The following DTNB variants were observed in gnomAD, a reference collection of about 807,000 sequenced individuals.
DTNB encodes dystrobrevin beta, also known as DTN-B.
In DTNB, 63 loss-of-function variants were observed where a neutral mutation model predicts 90.7. That is an observed-to-expected ratio of 0.69 (90% confidence interval 0.57 to 0.86). DTNB has a LOEUF of 0.86. Among genes scored for constraint, DTNB ranks in the 40% least tolerant of loss-of-function variants. The pLI is 0.00. For synonymous variants in DTNB, 277 were observed against 286.7 expected (o/e 0.97, Z 0.34); for missense variants, 744 against 807.1 (o/e 0.92, Z 0.95).
At chr2:25,595,892 C>G (rs570641305) in intron 6 of DTNB, among the ~76,000 whole-genome samples, 194 bp downstream of exon 6, 2 of 139,794 alleles carry the variant, frequency 1.4e-5, no homozygotes, top group East Asian at 4.2e-4. Flanking sequence ...CCCCCACCCC[C>G]AGTTCCCCCG....
chr2:25,406,472 T>A (rs1573948236), intron 16 of DTNB, among the ~76,000 whole-genome samples: 1 of 150,618 alleles, frequency 6.6e-6, no homozygotes, highest in Admixed American at 6.6e-5. Context: ...GAGGCGGAGG[T>A]TGCGGTGAGC....
intron 16 of DTNB, among the ~76,000 whole-genome samples, chr2:25,401,387 G>A (rs991503790): frequency 1.3e-5 from 2 of 152,232 alleles, no homozygotes; most frequent in African/African-American, 4.8e-5. Flanking sequence ...AAATGCCAGA[G>A]AAGGTGCCCT....
intron 16 of DTNB, 58 bp from the exon 17 acceptor site, chr2:25,388,419 GAAGA>G (rs1453221210): frequency 3.0e-5 from 46 of 1,533,546 alleles, no homozygotes; most frequent in Admixed American, 2.0e-4. Context: ...TTTGAGGAAG[GAAGA>G]AAGTACTTTT....
chr2:25,506,241 T>C (rs1035506402), intron 9 of DTNB, among the ~76,000 whole-genome samples: 7 of 151,748 alleles, frequency 4.6e-5, no homozygotes, highest in African/African-American at 1.7e-4. Context: ...AGCAGGGGGG[T>C]GACTATAGTT....
At chr2:25,585,756 C>T (rs2062281123) in intron 6 of DTNB, among the ~76,000 whole-genome samples, 1 of 152,180 alleles carries the variant, frequency 6.6e-6, no homozygotes. Flanking sequence ...GAAAGGGACA[C>T]TTCTAAAGTT....
intron 7 of DTNB, 34 bp from the exon 8 acceptor site, chr2:25,577,038 G>A: frequency 6.4e-7 from 1 of 1,558,700 alleles, no homozygotes; most frequent in African/African-American, 1.4e-5. Context: ...GAGAAAAAAG[G>A]GCAGGAGGGA....
chr2:25,496,982 G>A (rs377514578), intron 9 of DTNB, among the ~76,000 whole-genome samples: 111 of 152,202 alleles, frequency 7.3e-4, no homozygotes, highest in African/African-American at 2.4e-3. Context: ...ATATAAAGGC[G>A]AAGAATAACT....
intron 8 of DTNB, among the ~76,000 whole-genome samples, chr2:25,551,948 C>A (rs1453925144): frequency 2.0e-5 from 3 of 152,232 alleles, no homozygotes; most frequent in Non-Finnish European, 4.4e-5. Context: ...GCTATAAACC[C>A]TGTTAATCAG....
chr2:25,468,000 T>G (rs968734569), intron 10 of DTNB, among the ~76,000 whole-genome samples: 1 of 152,094 alleles, frequency 6.6e-6, no homozygotes, highest in Non-Finnish European at 1.5e-5. Context: ...GCTGCCCTTG[T>G]GTGTACCATG....
chr2:25,437,296 G>A, intron 12 of DTNB, among the ~76,000 whole-genome samples: 1 of 150,162 alleles, frequency 6.7e-6, no homozygotes, highest in East Asian at 2.0e-4. Flanking sequence ...GAATCTTGCT[G>A]TGTCGCCCAA....
At chr2:25,480,844 G>C (rs185822397) in intron 10 of DTNB, among the ~76,000 whole-genome samples, 193 of 152,302 alleles carry the variant, frequency 1.3e-3, no homozygotes, top group Admixed American at 2.2e-3. Context: ...AATGCTATGG[G>C]TGTTAAACAT....
chr2:25,433,867 T>C (rs751775175), intron 13 of DTNB, 43 bp downstream of exon 13: 1 of 1,603,576 alleles, frequency 6.2e-7, no homozygotes, highest in African/African-American at 1.3e-5. Flanking sequence ...ACGCACGTGA[T>C]AATCCTGGAC....
chr2:25,590,151 C>A (rs979746126), intron 6 of DTNB, among the ~76,000 whole-genome samples: 8 of 152,278 alleles, frequency 5.3e-5, no homozygotes, highest in African/African-American at 1.9e-4. Context: ...GAGGGTATTA[C>A]AGCCCCGGCC....
intron 8 of DTNB, among the ~76,000 whole-genome samples, chr2:25,535,854 G>A (rs1192589866): frequency 6.7e-6 from 1 of 149,166 alleles, no homozygotes; most frequent in Non-Finnish European, 1.5e-5. Context: ...CGGCCGGGCA[G>A]AGGCGCTCCT....
intron 6 of DTNB, among the ~76,000 whole-genome samples, chr2:25,586,217 T>C (rs560706901): frequency 6.6e-6 from 1 of 152,200 alleles, no homozygotes; most frequent in African/African-American, 2.4e-5. Flanking sequence ...AAATGCTTCA[T>C]TAAGCACGGG....
chr2:25,499,705 G>A (rs538511739), intron 9 of DTNB, among the ~76,000 whole-genome samples: 1 of 151,998 alleles, frequency 6.6e-6, no homozygotes, highest in South Asian at 2.1e-4. Flanking sequence ...TTATTTGTTG[G>A]TTGGTTTCAC....
intron 16 of DTNB, among the ~76,000 whole-genome samples, chr2:25,403,470 TGA>T (rs2044281822): frequency 6.6e-6 from 1 of 152,136 alleles, no homozygotes; most frequent in Non-Finnish European, 1.5e-5. Context: ...TGCAAAATGA[TGA>T]GAGACCTCAC....
At chr2:25,425,837 A>C (rs921433552) in intron 15 of DTNB, among the ~76,000 whole-genome samples, 4 of 152,214 alleles carry the variant, frequency 2.6e-5, no homozygotes, top group Non-Finnish European at 2.9e-5. Flanking sequence ...ATGCCAATAA[A>C]ATTGTCCAGG....
chr2:25,413,966 G>A (rs571892914), intron 16 of DTNB, among the ~76,000 whole-genome samples: 10 of 152,138 alleles, frequency 6.6e-5, no homozygotes, highest in East Asian at 3.9e-4. Context: ...TTTAATGATC[G>A]CCATTCTAAC....
Sources: gnomAD v4.1 joint callset for allele counts (sites outside exome capture counted in the v4.1 genomes callset) on GRCh38, gnomAD v4.1.1 for gene constraint, MANE v1.5 for transcripts, NCBI Gene and HGNC (gene_info 2026-07-23, HGNC 2026-07-21) for gene names.